GPM6A: variants seen among roughly 807,000 people sequenced by gnomAD.
The protein encoded by GPM6A is glycoprotein M6A, also known as neuronal membrane glycoprotein M6-a.
A neutral mutation model predicts 32.1 loss-of-function variants in GPM6A; 7 were observed. The ratio of observed to expected loss-of-function variants is 0.22; its 90% CI spans 0.12 to 0.41. The LOEUF is 0.41. Among genes scored for constraint, GPM6A ranks in the 10% least tolerant of loss-of-function variants. The probability of loss-of-function intolerance (pLI) is 1.00; values close to 1 mark genes in which losing one functional copy is unlikely to be tolerated. For missense variants in GPM6A, 235 were observed against 347.2 expected, an observed-to-expected ratio of 0.68 and a Z score of 2.57; for synonymous variants, 130 against 123.4, an observed-to-expected ratio of 1.05 and a Z score of -0.35.
chr4:175,671,637 G>T (rs976440498), intron 3 of GPM6A, among the ~76,000 whole-genome samples: 3 of 152,116 alleles, frequency 2.0e-5, no homozygotes, highest in Non-Finnish European at 4.4e-5. Flanking sequence ...GGAATGGTTG[G>T]CAGAGGGGAA....
intron 1 of GPM6A, among the ~76,000 whole-genome samples, chr4:175,713,245 C>T (rs1007177443): frequency 6.6e-6 from 1 of 152,076 alleles, no homozygotes; most frequent in Non-Finnish European, 1.5e-5. Flanking sequence ...CTCTGTCGCC[C>T]AGGCCGGAAT....
chr4:175,662,597 C>CA (rs1197742174), intron 3 of GPM6A, among the ~76,000 whole-genome samples: 3 of 151,624 alleles, frequency 2.0e-5, no homozygotes, highest in East Asian at 3.9e-4. Context: ...GAGACTGTCT[C>CA]AAAAAAACCC....
intron 1 of GPM6A, among the ~76,000 whole-genome samples, chr4:175,947,379 G>C (rs1165707314): frequency 6.6e-6 from 1 of 151,876 alleles, no homozygotes; most frequent in Non-Finnish European, 1.5e-5. Context: ...TATTTCTTAA[G>C]TACAATATTA....
At chr4:175,853,900 T>C (rs923091296) in intron 1 of GPM6A, among the ~76,000 whole-genome samples, 3 of 152,222 alleles carry the variant, frequency 2.0e-5, no homozygotes, top group African/African-American at 7.2e-5. Context: ...ATATGTTTTA[T>C]AATTGTTCCA....
At chr4:175,652,152 C>T (rs556443862) in intron 3 of GPM6A, among the ~76,000 whole-genome samples, 165 bp from the exon 4 acceptor site, 1 of 152,298 alleles carries the variant, frequency 6.6e-6, no homozygotes, top group South Asian at 2.1e-4. Flanking sequence ...AAATAGTGCG[C>T]ATAATGGGTT....
At chr4:175,871,266 C>T (rs1255929681) in intron 1 of GPM6A, among the ~76,000 whole-genome samples, 2 of 151,920 alleles carry the variant, frequency 1.3e-5, no homozygotes, top group Non-Finnish European at 1.5e-5. Context: ...GTCAGGAGCT[C>T]GAGACCAGCC....
At chr4:175,753,029 T>C (rs1410568586) in intron 1 of GPM6A, among the ~76,000 whole-genome samples, 1 of 152,198 alleles carries the variant, frequency 6.6e-6, no homozygotes, top group Non-Finnish European at 1.5e-5. Context: ...AGTGTCTACA[T>C]TTCCCATATG....
intron 1 of GPM6A, among the ~76,000 whole-genome samples, chr4:175,723,567 T>C (rs1447711310): frequency 1.3e-5 from 2 of 152,158 alleles, no homozygotes; most frequent in African/African-American, 2.4e-5. Context: ...TAGAATGCTA[T>C]ATTTTCACCA....
At chr4:175,962,891 A>T (rs998908266) in intron 1 of GPM6A, among the ~76,000 whole-genome samples, 15 of 152,200 alleles carry the variant, frequency 9.9e-5, no homozygotes, top group African/African-American at 3.6e-4. Flanking sequence ...AATTTAAAAC[A>T]ACTATGATTA....
At chr4:175,992,604 G>T (rs1446238951) in intron 1 of GPM6A, among the ~76,000 whole-genome samples, 1 of 152,042 alleles carries the variant, frequency 6.6e-6, no homozygotes, top group Non-Finnish European at 1.5e-5. Context: ...CTGAGTTTTT[G>T]GAATAAGAAC....
intron 1 of GPM6A, among the ~76,000 whole-genome samples, chr4:175,931,744 G>T (rs1739054444): frequency 6.7e-6 from 1 of 150,106 alleles, no homozygotes; most frequent in African/African-American, 2.5e-5. Flanking sequence ...ATTATGCAAT[G>T]AGAGTAGATA....
chr4:175,781,965 T>G (rs1000158814), intron 1 of GPM6A, among the ~76,000 whole-genome samples: 2 of 152,140 alleles, frequency 1.3e-5, no homozygotes, highest in Non-Finnish European at 2.9e-5. Flanking sequence ...TCTAGCACAG[T>G]GATCATGAGC....
upstream of GPM6A, among the ~76,000 whole-genome samples, chr4:175,816,010 C>T (rs1735089023): frequency 6.6e-6 from 1 of 152,118 alleles, no homozygotes; most frequent in Admixed American, 6.6e-5. Flanking sequence ...AGCCACCACA[C>T]CTGGCCATTA....
At chr4:175,986,253 G>T (rs755213620) in intron 1 of GPM6A, among the ~76,000 whole-genome samples, 15 of 152,130 alleles carry the variant, frequency 9.9e-5, no homozygotes, top group Non-Finnish European at 1.8e-4. Flanking sequence ...GACACTTTTA[G>T]GCCAGGTGTG....
At chr4:175,992,892 A>T (rs1029065354) in intron 1 of GPM6A, among the ~76,000 whole-genome samples, 2 of 152,216 alleles carry the variant, frequency 1.3e-5, no homozygotes, top group Non-Finnish European at 2.9e-5. Flanking sequence ...CTCAAATGCC[A>T]TCAAACATTC....
chr4:175,845,949 TAGAGAAAAAA>T (rs1190202975), intron 1 of GPM6A, among the ~76,000 whole-genome samples: 2 of 152,044 alleles, frequency 1.3e-5, no homozygotes, highest in Admixed American at 1.3e-4. Flanking sequence ...TACTTAAAAG[TAGAGAAAAAA>T]ATGCTGTCCC....
intron 3 of GPM6A, among the ~76,000 whole-genome samples, chr4:175,665,226 C>T (rs1335993317): frequency 4.6e-5 from 7 of 152,154 alleles, no homozygotes; most frequent in Non-Finnish European, 5.9e-5. Flanking sequence ...CCCTTCTCTC[C>T]GTGCAAACAC....
intron 1 of GPM6A, among the ~76,000 whole-genome samples, chr4:175,934,309 A>G (rs765849530): frequency 3.0e-4 from 46 of 152,230 alleles, no homozygotes; most frequent in Non-Finnish European, 6.2e-4. Flanking sequence ...ACTTTCATCA[A>G]TTAACGCTTA....
chr4:175,873,047 ATTTT>A (rs1216340317), intron 1 of GPM6A, among the ~76,000 whole-genome samples: 1 of 152,126 alleles, frequency 6.6e-6, no homozygotes, highest in Non-Finnish European at 1.5e-5. Context: ...AAATAATACA[ATTTT>A]ATTTTTATTT....
Sources: gnomAD v4.1 joint callset for allele counts (sites outside exome capture counted in the v4.1 genomes callset) on GRCh38, gnomAD v4.1.1 for gene constraint, MANE v1.5 for transcripts, NCBI Gene and HGNC (gene_info 2026-07-23, HGNC 2026-07-21) for gene names.